MS4A14: variants seen among roughly 807,000 people sequenced by gnomAD.
The protein encoded by MS4A14 is membrane spanning 4-domains A14, also known as membrane-spanning 4-domains subfamily A member 14.
Under a neutral mutation model 16.7 loss-of-function variants are expected in MS4A14, and 18 were observed. The observed-to-expected ratio is 1.08, with a 90% CI of 0.75 to 1.60. The LOEUF (loss-of-function observed/expected upper bound fraction) is 1.60, where lower values mean the gene tolerates loss of function less well. MS4A14 is among the 40% of genes most tolerant of loss of function. The probability of loss-of-function intolerance (pLI) is 0.00; values close to 1 mark genes in which losing one functional copy is unlikely to be tolerated. For synonymous variants in MS4A14, 305 were observed against 289.4 expected, an observed-to-expected ratio of 1.05 and a Z score of -0.55; for missense variants, 812 against 775.3, an observed-to-expected ratio of 1.05 and a Z score of -0.56.
chr11:60,410,849 TTTTTG>T (rs2085859161), intron 4 of MS4A14, among the ~76,000 whole-genome samples: 1 of 152,044 alleles, frequency 6.6e-6, no homozygotes, highest in Non-Finnish European at 1.5e-5. Flanking sequence ...TTTTGTTTGT[TTTTTG>T]TTTTTTGTTT....
At position 60,416,188 on chromosome 11, in the gene MS4A14, C is replaced by T. The variant is rs1423878066; in HGVS notation, c.1220C>T (p.Ser407Phe). 1 of 1,613,668 alleles carries T rather than the reference C, an allele frequency of 6.2e-7. No homozygotes were observed. The highest frequency in any genetic ancestry group is 1.3e-5 in the African/African-American group (1 of 74,884). Residue 407 changes from serine to phenylalanine, a missense_variant, in exon 5 of 5, where the codon TCC becomes TTC. Transcript: ENST00000300187. ...GACATACCTTCCCAAGATATGCTAT[C>T]CCAAGCTCTATCAGCGCATGCCATA... is the stretch of plus-strand genomic sequence containing the variant. ...PQDIPSQDML[S>F]QALSAHAILP... is the part of the protein sequence containing the mutation.
At chr11:60,407,219 C>A (rs1383350201) in intron 4 of MS4A14, among the ~76,000 whole-genome samples, 1 of 151,916 alleles carries the variant, frequency 6.6e-6, no homozygotes, top group Admixed American at 6.6e-5. Flanking sequence ...TAGGGTTTTG[C>A]CACGTTGCCC....
chr11:60,406,093 C>T (rs1358809345), intron 4 of MS4A14: 3 of 698,172 alleles, frequency 4.3e-6, no homozygotes, highest in Middle Eastern at 2.5e-4. Context: ...GCAGCATGCT[C>T]AGATGCTGAA....
At chr11:60,398,041 C>T in intron 2 of MS4A14, 61 bp downstream of exon 2, 1 of 1,576,526 alleles carries the variant, frequency 6.3e-7, no homozygotes, top group Middle Eastern at 1.7e-4. Context: ...TGAACTGCTT[C>T]ACGTCCTAGG....
chr11:60,411,999 T>C (rs2085876002), intron 4 of MS4A14, among the ~76,000 whole-genome samples: 1 of 152,104 alleles, frequency 6.6e-6, no homozygotes, highest in Admixed American at 6.5e-5. Context: ...ATGCCTTTTC[T>C]ACTCCAAGTG....
intron 4 of MS4A14, among the ~76,000 whole-genome samples, chr11:60,415,146 A>T (rs1373157902): frequency 2.0e-5 from 3 of 152,126 alleles, no homozygotes; most frequent in Non-Finnish European, 4.4e-5. Context: ...TATTGACTAG[A>T]TGATATAAAA....
chr11:60,396,729 C>T lies in MS4A14; in HGVS notation c.138+13C>T, dbSNP rs1324245347. 2 of 1,611,690 alleles carry T rather than the reference C, an allele frequency of 1.2e-6. No homozygotes were observed. The highest frequency in any genetic ancestry group is 1.7e-5 in the Admixed American group (1 of 59,604). On this transcript the variant is annotated intron_variant, in intron 1 of 4. Coordinates refer to ENST00000300187, the MANE Select transcript of MS4A14 (RefSeq NM_032597.5). Reference sequence around the variant, plus strand: ...AAGAGTCTTGGGGGTAAGTCCTCTCCAGTCAATAGGTCTTCCAGAAGGGGA... The same window carrying T: ...AAGAGTCTTGGGGGTAAGTCCTCTCTAGTCAATAGGTCTTCCAGAAGGGGA...
intron 4 of MS4A14, among the ~76,000 whole-genome samples, chr11:60,410,555 T>G (rs2085853665): frequency 6.6e-6 from 1 of 152,196 alleles, no homozygotes; most frequent in African/African-American, 2.4e-5. Context: ...CTTTTTTCCA[T>G]GAAATGTATG....
At chr11:60,397,244 C>A (rs1480694559) in intron 1 of MS4A14, among the ~76,000 whole-genome samples, 1 of 152,138 alleles carries the variant, frequency 6.6e-6, no homozygotes, top group Non-Finnish European at 1.5e-5. Context: ...ACCACTGCTG[C>A]TATTCTTTTC....
intron 4 of MS4A14, among the ~76,000 whole-genome samples, chr11:60,413,194 C>T (rs538305199): frequency 6.6e-6 from 1 of 151,624 alleles, no homozygotes; most frequent in East Asian, 1.9e-4. Flanking sequence ...CTACTATGAC[C>T]TTTCTAAACT....
rs1208546066 is a variant in MS4A14 at position 60,396,494 on chromosome 11, A to T, written c.-85A>T. On this transcript the variant is annotated 5_prime_UTR_variant, in exon 1 of 5. An upstream start codon of the reference 5' UTR is lost. Coordinates refer to ENST00000300187, the MANE Select transcript of MS4A14 (RefSeq NM_032597.5). ...CTAAGGGCTCATCTCTGAGGGCTCC[A>T]TGTGACTCTGGTGGAGAGGTAGATC... is the stretch of plus-strand genomic sequence containing the variant. 1.3e-6 allele frequency: 2 copies of T among 1,499,896 alleles called. No homozygotes were observed. The highest frequency in any genetic ancestry group is 1.8e-6 in the Non-Finnish European group (2 of 1,103,914). 92.9% of individuals were successfully genotyped at this position (1,499,896 alleles called of 1,614,324 possible). A position where few individuals can be genotyped will look rare whatever the true frequency, so the allele number is the denominator to read the frequency against.
intron 4 of MS4A14, among the ~76,000 whole-genome samples, chr11:60,407,397 C>G (rs558971604): frequency 6.6e-6 from 1 of 152,238 alleles, no homozygotes; most frequent in South Asian, 2.1e-4. Flanking sequence ...TATTTGAGTT[C>G]ATATATTTGT....
At chr11:60,396,907 A>C (rs1469390227) in intron 1 of MS4A14, among the ~76,000 whole-genome samples, 191 bp downstream of exon 1, 1 of 152,192 alleles carries the variant, frequency 6.6e-6, no homozygotes, top group African/African-American at 2.4e-5. Flanking sequence ...AAACTAGTAT[A>C]ACTTTTTAAA....
chr11:60,411,034 C>T (rs143837385), intron 4 of MS4A14, among the ~76,000 whole-genome samples: 1,655 of 152,068 alleles, frequency 0.011, 74 homozygotes, highest in Admixed American at 0.081. Context: ...TTAGTAGAGA[C>T]GAGGTTTCAC....
chr11:60,403,584 T>C (rs981201814), intron 4 of MS4A14, among the ~76,000 whole-genome samples: 1 of 152,228 alleles, frequency 6.6e-6, no homozygotes, highest in African/African-American at 2.4e-5. Context: ...ACATACATTA[T>C]TTCACATAAT....
At chr11:60,414,525 A>T (rs7948349) in intron 4 of MS4A14, among the ~76,000 whole-genome samples, 1 of 152,122 alleles carries the variant, frequency 6.6e-6, no homozygotes, top group Non-Finnish European at 1.5e-5. Context: ...GAGTCAGAAT[A>T]AAAAGCAGCA....
intron 2 of MS4A14, 140 bp from the exon 3 acceptor site, chr11:60,400,264 C>T: frequency 1.8e-6 from 1 of 549,380 alleles, no homozygotes. Context: ...GCCTACCTTC[C>T]CTACTCCCTG....
intron 4 of MS4A14, among the ~76,000 whole-genome samples, chr11:60,406,512 T>C (rs2085788349): frequency 6.6e-6 from 1 of 152,242 alleles, no homozygotes; most frequent in Non-Finnish European, 1.5e-5. Flanking sequence ...TTATTTTACA[T>C]ATGAAGGAAG....
At chr11:60,407,891 G>T (rs1291909675) in intron 4 of MS4A14, among the ~76,000 whole-genome samples, 2 of 151,808 alleles carry the variant, frequency 1.3e-5, no homozygotes, top group Non-Finnish European at 2.9e-5. Context: ...AAACAAATTT[G>T]ATGAAGTTCC....
Sources: allele counts gnomAD v4.1 joint callset (sites outside exome capture counted in the v4.1 genomes callset), GRCh38; gene constraint gnomAD v4.1.1; transcripts MANE v1.5; gene names NCBI Gene and HGNC (gene_info 2026-07-23, HGNC 2026-07-21).